Variants in TAF2 observed in about 807,000 individuals in gnomAD.
TAF2 encodes TATA-box binding protein associated factor 2, also known as transcription initiation factor TFIID subunit 2.
In TAF2, 61 loss-of-function variants were observed where a neutral mutation model predicts 138.5. The observed-to-expected ratio is 0.44, with a 90% CI of 0.36 to 0.54. The LOEUF is 0.54. Among genes scored for constraint, TAF2 ranks in the 20% least tolerant of loss-of-function variants. The pLI is 0.00. For synonymous variants in TAF2, 475 were observed against 469.9 expected, an observed-to-expected ratio of 1.01 and a Z score of -0.14; for missense variants, 1,090 against 1,427.9, an observed-to-expected ratio of 0.76 and a Z score of 3.81.
At chr8:119,769,162 A>G (rs1404728486) in intron 18 of TAF2, among the ~76,000 whole-genome samples, 4 of 152,206 alleles carry the variant, frequency 2.6e-5, no homozygotes, top group African/African-American at 9.7e-5. Context: ...GCTGGCTCTT[A>G]CCTGGAAGCA....
chr8:119,788,292 G>A, intron 14 of TAF2, 46 bp downstream of exon 14: 1 of 1,520,866 alleles, frequency 6.6e-7, no homozygotes, highest in Non-Finnish European at 9.1e-7. Flanking sequence ...TAGTCTGTGA[G>A]ATTTGTAGTT....
chr8:119,755,282 G>A (rs1423375346), intron 22 of TAF2, among the ~76,000 whole-genome samples: 2 of 152,134 alleles, frequency 1.3e-5, no homozygotes, highest in South Asian at 2.1e-4. Context: ...CAAGGCGGGT[G>A]GATCAGGAGT....
chr8:119,746,923 C>A lies in TAF2; in HGVS notation c.2890G>T (p.Asp964Tyr). ...ACAGCACCACACCGTAACCTCCAGT[C>A]ATGTGAAGTACCTAAAAAGTAAGTA... ...WKLMNSGTSH[D>Y]WRLRCGAVDL... The change falls in exon 23 of 26, where the codon GAC (aspartate) becomes TAC (tyrosine). Residue 964 changes from aspartate to tyrosine, a missense_variant. Physicochemically the swap from Asp to Tyr is radical, Grantham distance 160. Coordinates refer to ENST00000378164, the MANE Select transcript of TAF2 (RefSeq NM_003184.4). 2 of 1,614,004 alleles carry A rather than the reference C, an allele frequency of 1.2e-6. No individual in the cohort carries two copies. The highest frequency in any genetic ancestry group is 2.2e-5 in the South Asian group (2 of 91,008).
chr8:119,731,954 C>A lies in TAF2; in HGVS notation c.3570G>T (p.Arg1190Ser). 6.2e-7 allele frequency: 1 copy of A among 1,614,186 alleles called. No individual in the cohort carries two copies. Among genetic ancestry groups the A allele is most frequent in the Non-Finnish European group, 8.5e-7 (1 of 1,180,036 alleles). ...CTGAAAGGGAAGGAGAACGAATAGACCTGCCACTGGCAGGGCTGGAGAAAG... is the reference window on the plus strand; with the variant it reads ...CTGAAAGGGAAGGAGAACGAATAGAACTGCCACTGGCAGGGCTGGAGAAAG... ...PFTFSSPASG[R>S]SIRSPSLSD The change falls in exon 26 of 26, where the codon AGG (arginine) becomes AGT (serine). Residue 1190 changes from arginine (R) to serine (S), a missense_variant. Transcript: ENST00000378164.
chr8:119,783,763 T>C, intron 15 of TAF2, 130 bp from the exon 16 acceptor site: 1 of 1,119,028 alleles, frequency 8.9e-7, no homozygotes, highest in Non-Finnish European at 1.2e-6. Flanking sequence ...GCCTGGAGTT[T>C]TACTGTATTC....
In TAF2 at chr8:119,783,429, C is replaced by A; in HGVS notation, c.2064G>T (p.Glu688Asp). The A allele has an allele frequency of 2.5e-6, 4 of 1,614,108 alleles. No individual in the cohort carries two copies. The highest frequency in any genetic ancestry group is 3.4e-6 in the Non-Finnish European group (4 of 1,180,012). Residue 688 changes from glutamate (E) to aspartate (D), a missense_variant, in exon 16 of 26, where the codon GAG becomes GAT. Glu to Asp is a conservative substitution (Grantham distance 45). Transcript: ENST00000378164. ...ACATTCTTACTCTGTAGAAACACTGCTCTTGTTCTAATATATCAGTGAGTG... is the reference window on the plus strand; with the variant it reads ...ACATTCTTACTCTGTAGAAACACTGATCTTGTTCTAATATATCAGTGAGTG... ...RLALTDILEQ[E>D]QCFYRVRMSA...
chr8:119,733,481 T>C (rs1819017897), intron 25 of TAF2, among the ~76,000 whole-genome samples: 1 of 152,206 alleles, frequency 6.6e-6, no homozygotes, highest in Non-Finnish European at 1.5e-5. Context: ...TAGTTCATCA[T>C]CTAAAAATCT....
intron 18 of TAF2, among the ~76,000 whole-genome samples, chr8:119,765,097 C>T (rs7831321): frequency 0.16 from 24,699 of 152,024 alleles, 3,503 homozygotes; most frequent in African/African-American, 0.38. Context: ...GTAATAAGTT[C>T]TGCGGGCTTT....
At chr8:119,742,699 G>T (rs1254261256) in intron 24 of TAF2, 43 bp from the exon 25 acceptor site, 2 of 1,605,458 alleles carry the variant, frequency 1.2e-6, no homozygotes, top group Admixed American at 3.4e-5. Flanking sequence ...TTATTTCTTT[G>T]TTTCCCAAAA....
At chr8:119,830,791 A>G (rs1826396519) in intron 2 of TAF2, among the ~76,000 whole-genome samples, 1 of 152,190 alleles carries the variant, frequency 6.6e-6, no homozygotes, top group African/African-American at 2.4e-5. Context: ...AGGTAGCCCT[A>G]AGAAAGTAAA....
In TAF2 at chr8:119,801,842, G is replaced by A; in HGVS notation, c.744C>T (p.Ser248=). Reference sequence around the variant, plus strand: ...GTATTTCAAATGGTCCAATGGCCAAGGAGATATTTGACGCTGCTGTAGGAA... The same window carrying A: ...GTATTTCAAATGGTCCAATGGCCAAAGAGATATTTGACGCTGCTGTAGGAA... ...LTIPTAASNI[S]LAIGPFEILV... Residue 248 remains serine (S), a synonymous_variant, in exon 6 of 26, where the codon TCC becomes TCT. Transcript: ENST00000378164. 6.2e-7 allele frequency: 1 copy of A among 1,614,160 alleles called. No homozygotes were observed. Among genetic ancestry groups the A allele is most frequent in the Non-Finnish European group, 8.5e-7 (1 of 1,180,016 alleles).
chr8:119,785,698 T>G (rs545996668), intron 14 of TAF2, among the ~76,000 whole-genome samples: 1 of 152,172 alleles, frequency 6.6e-6, no homozygotes, highest in Non-Finnish European at 1.5e-5. Flanking sequence ...TAATAAAATA[T>G]CTTAAGAGTA....
intron 3 of TAF2, among the ~76,000 whole-genome samples, chr8:119,811,805 C>CAAAAAAAAAAAAAAA (rs771523182): frequency 1.7e-5 from 1 of 60,346 alleles, no homozygotes; most frequent in Non-Finnish European, 3.2e-5. Context: ...GACTCCGTCT[C>CAAAAAAAAAAAAAAA]AAAAAAAAAA....
intron 20 of TAF2, among the ~76,000 whole-genome samples, chr8:119,759,203 A>T (rs1457165706): frequency 1.3e-5 from 2 of 152,152 alleles, no homozygotes; most frequent in African/African-American, 4.8e-5. Flanking sequence ...ATAAATAATT[A>T]TTTCTAACAG....
At position 119,774,812 on chromosome 8, in the gene TAF2, T is replaced by G. The variant is rs1822104747; in HGVS notation, c.2364+3207A>C. On this transcript the variant is annotated intron_variant, in intron 18 of 25. Coordinates refer to ENST00000378164, the MANE Select transcript of TAF2 (RefSeq NM_003184.4). ...TATAGTGTTCCATGAGATTTGAACCTGGTGTTATTAGAAAGAAACTCCAGC... is the reference window on the plus strand; with the variant it reads ...TATAGTGTTCCATGAGATTTGAACCGGGTGTTATTAGAAAGAAACTCCAGC... 2.0e-5 allele frequency among the ~76,000 whole-genome samples: 3 copies of G among 152,282 alleles called. No individual in the cohort carries two copies. In the South Asian group the frequency reaches 6.2e-4, roughly 32 times the overall value.
chr8:119,796,419 A>G (rs1823831217), intron 8 of TAF2, among the ~76,000 whole-genome samples: 1 of 152,150 alleles, frequency 6.6e-6, no homozygotes, highest in Admixed American at 6.5e-5. Context: ...TTAATAAAAA[A>G]GAAAAGAAAA....
intron 14 of TAF2, 52 bp downstream of exon 14, chr8:119,788,286 C>T: frequency 6.7e-7 from 1 of 1,497,346 alleles, no homozygotes; most frequent in Non-Finnish European, 9.3e-7. Flanking sequence ...GCATTTTAGT[C>T]TGTGAGATTT....
intron 3 of TAF2, among the ~76,000 whole-genome samples, chr8:119,807,766 A>G (rs1269728837): frequency 1.3e-5 from 2 of 152,154 alleles, no homozygotes; most frequent in African/African-American, 2.4e-5. Context: ...TACTAAAAAC[A>G]CAAAAATTAG....
At chr8:119,802,859 C>T (rs780711876) in intron 5 of TAF2, among the ~76,000 whole-genome samples, 1 of 152,012 alleles carries the variant, frequency 6.6e-6, no homozygotes, top group Non-Finnish European at 1.5e-5. Context: ...TTGCATGAGC[C>T]GAGATTGCAT....
Sources: allele counts gnomAD v4.1 joint callset (sites outside exome capture counted in the v4.1 genomes callset), GRCh38; gene constraint gnomAD v4.1.1; transcripts MANE v1.5; gene names NCBI Gene and HGNC (gene_info 2026-07-23, HGNC 2026-07-21).